Variants in IRAK1BP1 observed in about 807,000 individuals in gnomAD.
IRAK1BP1 encodes the protein interleukin-1 receptor-associated kinase 1-binding protein 1.
IRAK1BP1 carries 24 observed loss-of-function variants against 28.0 expected under a neutral mutation model. The ratio of observed to expected loss-of-function variants is 0.86; its 90% CI spans 0.62 to 1.20. The LOEUF (loss-of-function observed/expected upper bound fraction) is 1.20, where lower values mean the gene tolerates loss of function less well. Ranked by LOEUF, IRAK1BP1 falls within the 50% of genes most tolerant of loss-of-function variation. The pLI is 0.00. For missense variants in IRAK1BP1, 336 were observed against 316.7 expected (o/e 1.06, Z -0.46); for synonymous variants, 131 against 116.3 (o/e 1.13, Z -0.81).
chr6:78,940,673 G>A (rs1773457247), intron 4 of IRAK1BP1: 2 of 1,447,352 alleles, frequency 1.4e-6, no homozygotes, highest in Non-Finnish European at 1.9e-6. Context: ...AGATTTTGAA[G>A]TAAAATATTT....
chr6:78,945,623 G>A, exon 5 of IRAK1BP1: 2 of 667,436 alleles, frequency 3.0e-6, no homozygotes, highest in Non-Finnish European at 5.2e-6. Flanking sequence ...AGCTTTCTTA[G>A]GAAAGCTACT....
chr6:78,955,019 G>T, the IRAK1BP1 span: 1 of 1,296,852 alleles, frequency 7.7e-7, no homozygotes, highest in Non-Finnish European at 1.0e-6. Flanking sequence ...AATAAAATTT[G>T]TACTTTTAAT....
the IRAK1BP1 span, among the ~76,000 whole-genome samples, chr6:78,973,013 G>A: frequency 5.3e-5 from 8 of 152,048 alleles, no homozygotes; most frequent in Non-Finnish European, 7.4e-5. Flanking sequence ...TTGAGATTCA[G>A]GAAATACAGA....
intron 4 of IRAK1BP1, among the ~76,000 whole-genome samples, chr6:78,913,589 T>A (rs1270213384): frequency 6.6e-6 from 1 of 152,076 alleles, no homozygotes; most frequent in Non-Finnish European, 1.5e-5. Context: ...GAGGTTGCAG[T>A]GAGCCAAGAT....
In IRAK1BP1 at chr6:78,940,782, C is replaced by T. The variant is rs751648914; in HGVS notation, c.*68-4626C>T. The T allele has an allele frequency of 5.0e-6, 8 of 1,613,768 alleles. No individual in the cohort carries two copies. In the Admixed American group the frequency reaches 8.3e-5, roughly 17 times the overall value. On this transcript the variant is annotated intron_variant and NMD_transcript_variant, in intron 4 of 4. Coordinates refer to the IRAK1BP1 transcript ENST00000606868. ...GTTCCAAAAGTTAAAGAGGTGTCTTCGAACAACAGCTGCCTTTGCTCCTCT... is the reference window on the plus strand; with the variant it reads ...GTTCCAAAAGTTAAAGAGGTGTCTTTGAACAACAGCTGCCTTTGCTCCTCT...
chr6:78,953,271 T>G, the IRAK1BP1 span, among the ~76,000 whole-genome samples: 1 of 152,204 alleles, frequency 6.6e-6, no homozygotes, highest in East Asian at 1.9e-4. Flanking sequence ...ATTTCTGGTT[T>G]AGGGTTGGGT....
chr6:78,958,445 A>C, the IRAK1BP1 span: 1 of 1,253,946 alleles, frequency 8.0e-7, no homozygotes, highest in Admixed American at 1.8e-5. Context: ...TATTAAAACT[A>C]TCATAATTAC....
exon 5 of IRAK1BP1, chr6:78,945,677 T>G (rs1165287595): frequency 1.6e-5 from 10 of 619,694 alleles, no homozygotes; most frequent in South Asian, 8.3e-5. Context: ...CTCTTAATAG[T>G]TTCAGCCCTT....
At position 78,880,307 on chromosome 6, in the gene IRAK1BP1, A is replaced by G. The variant is rs116531678; in HGVS notation, c.316-5071A>G. On this transcript the variant is annotated intron_variant, in intron 1 of 3. Transcript: ENST00000369940. ...CCCAAATCCAAAAATCTAAAATTCA[A>G]AATTCTCCAAAGAGCATTTTCTTTG... 5.9e-3 allele frequency among the ~76,000 whole-genome samples: 898 copies of G among 152,314 alleles called. 4 individuals are homozygous for G. The highest frequency in any genetic ancestry group is 0.02 in the African/African-American group (825 of 41,558).
chr6:78,958,678 C>T, the IRAK1BP1 span: 1 of 884,340 alleles, frequency 1.1e-6, no homozygotes, highest in Non-Finnish European at 1.8e-6. Flanking sequence ...CCAAGACATT[C>T]CAACTTTTCA....
chr6:78,894,394 T>C (rs1771805533), intron 2 of IRAK1BP1, among the ~76,000 whole-genome samples: 1 of 152,148 alleles, frequency 6.6e-6, no homozygotes, highest in African/African-American at 2.4e-5. Context: ...GAGAAAGATA[T>C]GTCATGCTAA....
intron 4 of IRAK1BP1, among the ~76,000 whole-genome samples, chr6:78,945,070 G>A (rs1773725753): frequency 6.6e-6 from 1 of 151,380 alleles, no homozygotes; most frequent in Non-Finnish European, 1.5e-5. Flanking sequence ...TTTAAACTTT[G>A]AAGATTTATT....
chr6:78,958,377 G>A, the IRAK1BP1 span: 1 of 800,544 alleles, frequency 1.2e-6, no homozygotes, highest in Non-Finnish European at 2.0e-6. Flanking sequence ...ACTCTTAAAT[G>A]TTTCTTCTTT....
chr6:78,903,899 G>A (rs561396566), downstream of IRAK1BP1, among the ~76,000 whole-genome samples: 1 of 152,196 alleles, frequency 6.6e-6, no homozygotes, highest in African/African-American at 2.4e-5. Flanking sequence ...TTTTACGCTG[G>A]TCACATTAAT....
At chr6:78,947,740 A>T (rs1313125891), downstream of IRAK1BP1, 1 of 1,608,670 alleles carries the variant, frequency 6.2e-7, no homozygotes, top group Non-Finnish European at 8.5e-7. Flanking sequence ...TAACGGTAGC[A>T]AAATCCATTG....
intron 4 of IRAK1BP1, among the ~76,000 whole-genome samples, chr6:78,922,662 G>T (rs1772770581): frequency 6.6e-6 from 1 of 152,156 alleles, no homozygotes; most frequent in South Asian, 2.1e-4. Flanking sequence ...AATGTTAAGG[G>T]CAGCCAGAGA....
At chr6:78,882,228 A>T (rs1314983508) in intron 1 of IRAK1BP1, among the ~76,000 whole-genome samples, 9 of 152,164 alleles carry the variant, frequency 5.9e-5, no homozygotes, top group Admixed American at 5.9e-4. Context: ...ACAGAAAGTA[A>T]GAAAGTGCTC....
chr6:78,894,463 AC>A (rs2127652452), intron 2 of IRAK1BP1, among the ~76,000 whole-genome samples: 1 of 152,334 alleles, frequency 6.6e-6, no homozygotes, highest in East Asian at 1.9e-4. Flanking sequence ...CAGAGCAAAG[AC>A]TATGAAAGAT....
chr6:78,872,303 A>T (rs1426510949), intron 1 of IRAK1BP1, among the ~76,000 whole-genome samples: 1 of 152,202 alleles, frequency 6.6e-6, no homozygotes, highest in Non-Finnish European at 1.5e-5. Context: ...AATTAACTGT[A>T]TGCAAATCTT....
Sources: allele counts gnomAD v4.1 joint callset (sites outside exome capture counted in the v4.1 genomes callset), GRCh38; gene constraint gnomAD v4.1.1; transcripts MANE v1.5; gene names NCBI Gene and HGNC (gene_info 2026-07-23, HGNC 2026-07-21).